ATP2A2: variants seen among roughly 807,000 people sequenced by gnomAD.
ATP2A2 encodes sarcoplasmic/endoplasmic reticulum calcium ATPase 2.
Under a neutral mutation model 109.3 loss-of-function variants are expected in ATP2A2, and 14 were observed. The ratio of observed to expected loss-of-function variants is 0.13; its 90% confidence interval spans 0.08 to 0.20. ATP2A2 has a LOEUF of 0.20. ATP2A2 is among the 10% of genes least tolerant of loss of function. ATP2A2 has a pLI of 1.00. For missense variants in ATP2A2, 657 were observed against 1,321.6 expected (o/e 0.50, Z 7.80); for synonymous variants, 506 against 490.9 (o/e 1.03, Z -0.41).
chr12:110,289,972 A>G (rs3026451), intron 3 of ATP2A2, among the ~76,000 whole-genome samples: 140 of 152,292 alleles, frequency 9.2e-4, no homozygotes, highest in African/African-American at 3.2e-3. Context: ...AATCTTAACA[A>G]GTTTATAGTT....
At chr12:110,293,720 G>A (rs1429154112) in intron 4 of ATP2A2, among the ~76,000 whole-genome samples, 1 of 151,356 alleles carries the variant, frequency 6.6e-6, no homozygotes, top group Non-Finnish European at 1.5e-5. Context: ...ACTTAGTCCT[G>A]TTGAAATTGT....
chr12:110,309,226 C>T (rs541876582), intron 5 of ATP2A2, among the ~76,000 whole-genome samples: 6 of 125,026 alleles, frequency 4.8e-5, no homozygotes, highest in African/African-American at 1.8e-4. Context: ...GGCGTGATCT[C>T]AGCTCACTGC....
At chr12:110,338,492 C>T (rs1879050362) in intron 11 of ATP2A2, among the ~76,000 whole-genome samples, 1 of 152,192 alleles carries the variant, frequency 6.6e-6, no homozygotes, top group Admixed American at 6.5e-5. Context: ...GGAGTTTGCT[C>T]TTTCGTCCAG....
At position 110,350,728 on chromosome 12, in the gene ATP2A2, A is replaced by AAC; in HGVS notation, c.*4260_*4261dup. 1 of 241,464 alleles carries AAC rather than the reference A, an allele frequency of 4.1e-6. No homozygotes were observed. The highest frequency in any genetic ancestry group is 8.2e-6 in the Non-Finnish European group (1 of 122,526). The allele number at this position is 241,464 out of a possible 1,614,324, so 15.0% of individuals were successfully genotyped here. A position where few individuals can be genotyped will look rare whatever the true frequency, so the allele number is the denominator to read the frequency against. The stretch of plus-strand genomic sequence containing the variant: ...CCAGATCCCTCTCCAGTGACATTGG[A>AAC]ACATGCTACTTTTTAATTGGCCCTG... On this transcript the variant is annotated 3_prime_UTR_variant, in exon 20 of 20. Transcript: ENST00000539276.
At chr12:110,294,078 CTG>C (rs1240779717) in intron 4 of ATP2A2, among the ~76,000 whole-genome samples, 2 of 151,526 alleles carry the variant, frequency 1.3e-5, no homozygotes, top group South Asian at 2.1e-4. Flanking sequence ...GAGTCTCACT[CTG>C]TCACCCAGGC....
intron 5 of ATP2A2, among the ~76,000 whole-genome samples, chr12:110,319,785 G>A (rs1487329530): frequency 6.6e-6 from 1 of 151,796 alleles, no homozygotes; most frequent in African/African-American, 2.4e-5. Context: ...AATACAGTGT[G>A]TATATATACT....
intron 10 of ATP2A2, 89 bp from the exon 11 acceptor site, chr12:110,333,923 T>G: frequency 6.4e-7 from 1 of 1,555,060 alleles, no homozygotes; most frequent in South Asian, 1.1e-5. Flanking sequence ...AGAGGACAGA[T>G]TGTGCTTTTG....
intron 17 of ATP2A2, 90 bp downstream of exon 17, chr12:110,345,061 T>G: frequency 6.6e-7 from 1 of 1,507,934 alleles, no homozygotes; most frequent in East Asian, 2.3e-5. Context: ...CAAATCATCT[T>G]AAGACTCAGA....
At chr12:110,287,414 T>C (rs1401521828) in intron 3 of ATP2A2, among the ~76,000 whole-genome samples, 4 of 152,210 alleles carry the variant, frequency 2.6e-5, no homozygotes, top group African/African-American at 9.7e-5. Context: ...TAGTTGAGTG[T>C]TCATTAGCAA....
At chr12:110,324,878 G>A (rs1245029849) in intron 6 of ATP2A2, among the ~76,000 whole-genome samples, 6 of 149,694 alleles carry the variant, frequency 4.0e-5, no homozygotes, top group African/African-American at 1.2e-4. Context: ...GCCCAGTGGC[G>A]CGATCTCAGC....
chr12:110,298,996 G>A (rs894979263), intron 5 of ATP2A2, among the ~76,000 whole-genome samples: 20 of 152,194 alleles, frequency 1.3e-4, no homozygotes, highest in African/African-American at 4.6e-4. Flanking sequence ...GGAAGACAGG[G>A]TCTCAATCTG....
intron 8 of ATP2A2, among the ~76,000 whole-genome samples, chr12:110,328,586 A>C (rs567267844): frequency 1.3e-5 from 2 of 152,220 alleles, no homozygotes; most frequent in South Asian, 4.2e-4. Flanking sequence ...GAAAAGAAAA[A>C]AGACAAGGTC....
At chr12:110,334,745 G>A (rs527907533) in intron 11 of ATP2A2, among the ~76,000 whole-genome samples, 2 of 151,942 alleles carry the variant, frequency 1.3e-5, no homozygotes, top group South Asian at 4.2e-4. Context: ...ACGCCACCAC[G>A]CCTGGCTAAT....
In ATP2A2 at chr12:110,340,122, G is replaced by A. The variant is rs1375591388; in HGVS notation, c.1761+401G>A. 1.3e-5 allele frequency among the ~76,000 whole-genome samples: 2 copies of A among 152,126 alleles called. No individual in the cohort carries two copies. Among genetic ancestry groups the A allele is most frequent in the African/African-American group, 4.8e-5 (2 of 41,410 alleles). On this transcript the variant is annotated intron_variant, in intron 13 of 19. Transcript: ENST00000539276. This position sits in a 1 kb window ranked among gnomAD's most constrained non-coding sequence, Gnocchi z 6.0. ...CAGAGTAGAATTCTTTTATATCAAGGATGTGACATCCTAAAGCTATGAACA... is the reference window on the plus strand; with the variant it reads ...CAGAGTAGAATTCTTTTATATCAAGAATGTGACATCCTAAAGCTATGAACA...
At chr12:110,302,730 C>G (rs1217785117) in intron 5 of ATP2A2, among the ~76,000 whole-genome samples, 2 of 152,030 alleles carry the variant, frequency 1.3e-5, no homozygotes, top group South Asian at 4.1e-4. Flanking sequence ...TCCCAATTAG[C>G]TGGGCTCACC....
rs117522956 is a variant in ATP2A2, at chr12:110,310,283, G to A, written c.464-12709G>A. On this transcript the variant is annotated intron_variant, in intron 5 of 19. Coordinates refer to ENST00000539276, the MANE Select transcript of ATP2A2 (RefSeq NM_170665.4). ...ATTACAGGCATGAACCACCGTGCCC[G>A]GCCATGGTTTTGTGGGATGTTTTTT... Among the ~76,000 whole-genome samples the A allele has an allele frequency of 2.0e-3, 299 of 148,238 alleles. 6 individuals are homozygous for A. Among genetic ancestry groups the A allele is most frequent in the East Asian group, 0.012 (62 of 5,046 alleles).
intron 5 of ATP2A2, among the ~76,000 whole-genome samples, chr12:110,301,332 A>G (rs1046225863): frequency 3.3e-5 from 5 of 152,192 alleles, no homozygotes; most frequent in African/African-American, 1.2e-4. Flanking sequence ...AAAGAGACAA[A>G]AGCCAGCTTC....
At chr12:110,328,048 C>G (rs1191178755) in intron 8 of ATP2A2, 31 bp downstream of exon 8, 1 of 1,596,072 alleles carries the variant, frequency 6.3e-7, no homozygotes, top group Non-Finnish European at 8.6e-7. Context: ...TATTCCGTGT[C>G]GTGGTTCTTT....
intron 5 of ATP2A2, among the ~76,000 whole-genome samples, chr12:110,299,676 A>G (rs775038666): frequency 1.1e-4 from 16 of 151,590 alleles, no homozygotes; most frequent in South Asian, 1.0e-3. Context: ...CTGGAGTGCA[A>G]TGGCACCATC....
Sources: allele counts gnomAD v4.1 joint callset (sites outside exome capture counted in the v4.1 genomes callset), GRCh38; gene constraint gnomAD v4.1.1; non-coding constraint Gnocchi (gnomAD v3.1); transcripts MANE v1.5; gene names NCBI Gene and HGNC (gene_info 2026-07-23, HGNC 2026-07-21).